The following MAPRE3 variants were observed in gnomAD, a reference collection of about 807,000 sequenced individuals.
The protein encoded by MAPRE3 is microtubule associated protein RP/EB family member 3.
In MAPRE3, 2 loss-of-function variants were observed where a neutral mutation model predicts 30.5. The observed-to-expected ratio is 0.07, with a 90% confidence interval of 0.03 to 0.21. The LOEUF (loss-of-function observed/expected upper bound fraction) is 0.21. Among genes scored for constraint, MAPRE3 ranks in the 10% least tolerant of loss-of-function variants. MAPRE3 has a pLI of 1.00. For missense variants in MAPRE3, 204 were observed against 351.8 expected, an observed-to-expected ratio of 0.58 and a Z score of 3.36; for synonymous variants, 110 against 127.7, an observed-to-expected ratio of 0.86 and a Z score of 0.93.
intron 1 of MAPRE3, among the ~76,000 whole-genome samples, chr2:26,992,380 C>G (rs1210126885): frequency 7.5e-6 from 1 of 133,948 alleles, no homozygotes; most frequent in Non-Finnish European, 1.6e-5. Context: ...GCATGCACCA[C>G]CACGCCTGGC....
At chr2:27,023,000 A>G (rs1398492923) in intron 2 of MAPRE3, 1 of 201,980 alleles carries the variant, frequency 5.0e-6, no homozygotes, top group Non-Finnish European at 1.0e-5. Context: ...TGGTGGTGCA[A>G]CCTTGGGCAA....
intron 1 of MAPRE3, among the ~76,000 whole-genome samples, chr2:26,990,028 A>G (rs1666302963): frequency 6.6e-6 from 1 of 152,128 alleles, no homozygotes. Flanking sequence ...AAAATCTTAA[A>G]ATTATCTGGG....
chr2:27,018,895 T>TTTTTTTTATTTATTTATTTATTTATTTA (rs376046795), intron 1 of MAPRE3, among the ~76,000 whole-genome samples: 1 of 146,850 alleles, frequency 6.8e-6, no homozygotes. Flanking sequence ...GCACACACAT[T>TTTTTTTTATTTATTTATTTATTTATTTA]TTTATTTATT....
At chr2:27,020,377 T>G (rs1156482409) in intron 1 of MAPRE3, among the ~76,000 whole-genome samples, 1 of 152,244 alleles carries the variant, frequency 6.6e-6, no homozygotes, top group Non-Finnish European at 1.5e-5. Flanking sequence ...AGAAATATTC[T>G]TCACTCACTC....
At chr2:26,996,530 C>T (rs570326733) in intron 1 of MAPRE3, among the ~76,000 whole-genome samples, 29 of 152,150 alleles carry the variant, frequency 1.9e-4, no homozygotes, top group Admixed American at 5.9e-4. Flanking sequence ...GGGCCGGGCG[C>T]GGTGGTTTAA....
At chr2:27,022,097 G>T in intron 1 of MAPRE3, 115 bp from the exon 2 acceptor site, 4 of 1,258,414 alleles carry the variant, frequency 3.2e-6, no homozygotes, top group Non-Finnish European at 4.4e-6. Context: ...AAACTGCGAG[G>T]CCAATCTGGA....
chr2:26,984,679 C>A (rs928007894), intron 1 of MAPRE3: 1 of 152,252 alleles, frequency 6.6e-6, no homozygotes. Flanking sequence ...CAACCCTAAG[C>A]CCCTCCATAC....
chr2:26,994,220 T>G (rs1184219176), intron 1 of MAPRE3, among the ~76,000 whole-genome samples: 4 of 152,242 alleles, frequency 2.6e-5, no homozygotes, highest in African/African-American at 9.6e-5. Context: ...CTGAGAAAAC[T>G]GACTTACATT....
At chr2:27,016,043 C>T (rs1666975497) in intron 1 of MAPRE3, among the ~76,000 whole-genome samples, 1 of 152,236 alleles carries the variant, frequency 6.6e-6, no homozygotes, top group Admixed American at 6.5e-5. Flanking sequence ...CCAGATTAAA[C>T]CTCCTCAACT....
At chr2:26,974,080 T>A (rs1665968476) in intron 1 of MAPRE3, among the ~76,000 whole-genome samples, 1 of 152,208 alleles carries the variant, frequency 6.6e-6, no homozygotes, top group Non-Finnish European at 1.5e-5. Context: ...TAAAAACACT[T>A]TGTAAACTGT....
At chr2:27,023,871 A>G in intron 3 of MAPRE3, 1 of 542,376 alleles carries the variant, frequency 1.8e-6, no homozygotes, top group Non-Finnish European at 3.3e-6. Context: ...CTCCCCACAC[A>G]GTTCTTCCAC....
At chr2:26,987,443 C>T (rs1469335675) in intron 1 of MAPRE3, among the ~76,000 whole-genome samples, 1 of 152,042 alleles carries the variant, frequency 6.6e-6, no homozygotes, top group Non-Finnish European at 1.5e-5. Flanking sequence ...TCAAGACCAG[C>T]CTGGCCAACA....
rs373848434 is a variant in MAPRE3, at chr2:27,001,033, C to T, written c.-7-21179C>T. Among the ~76,000 whole-genome samples the T allele has an allele frequency of 1.6e-4, 25 of 152,214 alleles. No individual in the cohort carries two copies. The East Asian group carries it at 2.1e-3, about 13-fold the overall frequency. ...ATATGAAAATAAAATCCCATATAACCGTACCATCAGACAGAACCACAATTA... is the reference window on the plus strand; with the variant it reads ...ATATGAAAATAAAATCCCATATAACTGTACCATCAGACAGAACCACAATTA... On this transcript the variant is annotated intron_variant, in intron 1 of 6. Transcript: ENST00000233121.
At chr2:26,984,625 C>A (rs1666182493) in intron 1 of MAPRE3, among the ~76,000 whole-genome samples, 1 of 152,240 alleles carries the variant, frequency 6.6e-6, no homozygotes, top group Non-Finnish European at 1.5e-5. Flanking sequence ...TCTGCATATG[C>A]AGCTTCAAGA....
intron 1 of MAPRE3, among the ~76,000 whole-genome samples, chr2:27,017,336 C>T (rs1667012334): frequency 6.6e-6 from 1 of 152,212 alleles, no homozygotes; most frequent in African/African-American, 2.4e-5. Context: ...CTACCTGCTT[C>T]CCCAGAAGCC....
intron 1 of MAPRE3, among the ~76,000 whole-genome samples, chr2:26,975,862 G>GGGGAACTTTTACTTTATATGTT (rs1666005637): frequency 6.6e-6 from 1 of 152,068 alleles, no homozygotes; most frequent in African/African-American, 2.4e-5. Flanking sequence ...AAGCTCTTAA[G>GGGGAACTTTTACTTTATATGTT]TGAGGGCAGG....
At chr2:27,011,392 G>A (rs183045299) in intron 1 of MAPRE3, among the ~76,000 whole-genome samples, 13 of 152,170 alleles carry the variant, frequency 8.5e-5, no homozygotes, top group East Asian at 1.9e-4. Flanking sequence ...GCTTTGTGGC[G>A]TCCCTTGTTA....
chr2:26,974,042 A>G (rs1665967828), intron 1 of MAPRE3, among the ~76,000 whole-genome samples: 1 of 152,192 alleles, frequency 6.6e-6, no homozygotes, highest in Admixed American at 6.5e-5. Flanking sequence ...GACTTACCTA[A>G]GGTCACCCAA....
In MAPRE3 at chr2:26,986,681, A is replaced by G. The variant is rs1666227358; in HGVS notation, c.-8+15879A>G. 6.6e-6 allele frequency: 1 copy of G among 152,182 alleles called. No homozygotes were observed. The highest frequency in any genetic ancestry group is 6.5e-5 in the Admixed American group (1 of 15,272). 9.4% of individuals were successfully genotyped at this position (152,182 alleles called of 1,614,324 possible). A position where few individuals can be genotyped will look rare whatever the true frequency, so the allele number is the denominator to read the frequency against. Reference sequence around the variant, plus strand: ...CTCACCTTTGGTCCTTCTCAGGCAGACTAAGCTGGATGGGCCTTTGGTTTG... The same window carrying G: ...CTCACCTTTGGTCCTTCTCAGGCAGGCTAAGCTGGATGGGCCTTTGGTTTG... On this transcript the variant is annotated intron_variant, in intron 1 of 6. Transcript: ENST00000233121. The surrounding 1 kb of genome is among the most constrained non-coding windows in gnomAD (Gnocchi z 4.2).
Sources: allele counts gnomAD v4.1 joint callset (sites outside exome capture counted in the v4.1 genomes callset), GRCh38; gene constraint gnomAD v4.1.1; non-coding constraint Gnocchi (gnomAD v3.1); transcripts MANE v1.5; gene names NCBI Gene and HGNC (gene_info 2026-07-23, HGNC 2026-07-21).